Variants in KLC2 observed in about 807,000 individuals in gnomAD.
KLC2 encodes the protein KLC 2.
In KLC2, 35 loss-of-function variants were observed where a neutral mutation model predicts 75.1. That is an observed-to-expected ratio of 0.47 (90% CI 0.36 to 0.62). The LOEUF is 0.62. Ranked by LOEUF, KLC2 falls within the 20% of genes least tolerant of loss-of-function variation. The pLI is 0.00. For synonymous variants in KLC2, 314 were observed against 336.7 expected, an observed-to-expected ratio of 0.93 and a Z score of 0.74; for missense variants, 611 against 833.2, an observed-to-expected ratio of 0.73 and a Z score of 3.28.
chr11:66,263,478 T>C (rs887870684), intron 5 of KLC2, among the ~76,000 whole-genome samples, 182 bp from the exon 6 acceptor site: 1 of 152,164 alleles, frequency 6.6e-6, no homozygotes, highest in African/African-American at 2.4e-5. Context: ...CAGCCAATTG[T>C]GAGAAAACTG....
At chr11:66,260,732 G>A (rs2134805335) in intron 2 of KLC2, among the ~76,000 whole-genome samples, 1 of 152,172 alleles carries the variant, frequency 6.6e-6, no homozygotes, top group South Asian at 2.1e-4. Flanking sequence ...GAGTAGCTGG[G>A]ACTACAGGCA....
the KLC2 span, among the ~76,000 whole-genome samples, chr11:66,245,462 A>T: frequency 6.6e-6 from 1 of 152,194 alleles, no homozygotes; most frequent in African/African-American, 2.4e-5. Flanking sequence ...TCACACCTGT[A>T]ATCCCAGCAC....
At chr11:66,249,823 A>G in the KLC2 span, among the ~76,000 whole-genome samples, 1 of 151,738 alleles carries the variant, frequency 6.6e-6, no homozygotes, top group African/African-American at 2.4e-5. Flanking sequence ...AGAAACCCGG[A>G]CTCATCCTGC....
At chr11:66,259,273 T>C (rs1331670644) in intron 2 of KLC2, among the ~76,000 whole-genome samples, 1 of 152,150 alleles carries the variant, frequency 6.6e-6, no homozygotes, top group Non-Finnish European at 1.5e-5. Context: ...TTGTTACAAA[T>C]TGTGATGAGT....
At chr11:66,257,232 G>A (rs1456040407), upstream of KLC2, 1 of 152,174 alleles carries the variant, frequency 6.6e-6, no homozygotes, top group Non-Finnish European at 1.5e-5. Context: ...AACCACCTCT[G>A]TCAGAGACGG....
At position 66,266,645 on chromosome 11, in the gene KLC2, A is replaced by AC. The variant is rs1316746383; in HGVS notation, c.1785+158dup. ...TGGACAACGGGGAGACACGAGGGGA[A>AC]CCCAGCCTCTCCTGGGGGTGGACGT... On this transcript the variant is annotated intron_variant, in intron 15 of 15. Coordinates refer to ENST00000394067, the MANE Select transcript of KLC2 (RefSeq NM_001318734.2). 5 of 897,696 alleles carry AC rather than the reference A, an allele frequency of 5.6e-6. No homozygotes were observed. The Admixed American group carries it at 7.9e-5, about 14-fold the overall frequency. The allele number at this position is 897,696 out of a possible 1,614,324, so 55.6% of individuals were successfully genotyped here. A position where few individuals can be genotyped will look rare whatever the true frequency, so the allele number is the denominator to read the frequency against.
At chr11:66,262,533 G>A (rs1856506872) in intron 4 of KLC2, 1 of 559,150 alleles carries the variant, frequency 1.8e-6, no homozygotes, top group East Asian at 3.0e-5. Context: ...TTTGCTGATG[G>A]TACTGGTTAT....
rs567583500 is a variant in KLC2, at chr11:66,262,218, G to C, written c.529+26G>C. On this transcript the variant is annotated intron_variant, in intron 4 of 15. Coordinates refer to ENST00000394067, the MANE Select transcript of KLC2 (RefSeq NM_001318734.2). The stretch of plus-strand genomic sequence containing the variant: ...GTGCGGATGGGCAGTTCTGGAGTGG[G>C]GGAAGGAAAGGTTGTGTGAACTCTT... 30 of 1,590,706 alleles carry C rather than the reference G, an allele frequency of 1.9e-5. No individual in the cohort carries two copies. The South Asian group carries it at 2.4e-4, about 13-fold the overall frequency.
At chr11:66,258,407 G>C in intron 1 of KLC2, 177 bp from the exon 2 acceptor site, 1 of 593,786 alleles carries the variant, frequency 1.7e-6, no homozygotes, top group Non-Finnish European at 3.0e-6. Context: ...CCCAGGCCTA[G>C]ACAAGCTAGG....
chr11:66,265,820 C>T lies in KLC2; in HGVS notation c.1444-34C>T, dbSNP rs116583122. On this transcript the variant is annotated intron_variant, in intron 12 of 15. Coordinates refer to ENST00000394067, the MANE Select transcript of KLC2 (RefSeq NM_001318734.2). ...CACCTGTGTGGCCCTGGGTGTGGTC[C>T]ATTCACTGCCTGATGCCCCTGCCCC... is the stretch of plus-strand genomic sequence containing the variant. 5.3e-4 allele frequency: 841 copies of T among 1,594,492 alleles called. 2 individuals carry two copies. The African/African-American group carries it at 8.9e-3, about 17-fold the overall frequency.
At chr11:66,254,664 TAAAAAA>T (rs34541214), upstream of KLC2, among the ~76,000 whole-genome samples, 2 of 107,886 alleles carry the variant, frequency 1.9e-5, no homozygotes, top group East Asian at 5.4e-4. Flanking sequence ...CCTCGGCTCT[TAAAAAA>T]AAAAAAAAAA....
upstream of KLC2, among the ~76,000 whole-genome samples, chr11:66,256,927 A>T (rs1856062110): frequency 6.6e-6 from 1 of 152,162 alleles, no homozygotes; most frequent in African/African-American, 2.4e-5. Context: ...CTACACCCAG[A>T]AAGGAGAAAT....
intron 9 of KLC2, 81 bp downstream of exon 9, chr11:66,264,525 G>C: frequency 9.7e-7 from 1 of 1,035,410 alleles, no homozygotes; most frequent in South Asian, 1.3e-5. Flanking sequence ...AAATCCCTCA[G>C]CAGGGCAGGC....
upstream of KLC2, among the ~76,000 whole-genome samples, chr11:66,252,698 G>T (rs1008447752): frequency 1.3e-5 from 2 of 152,144 alleles, no homozygotes; most frequent in East Asian, 3.8e-4. Flanking sequence ...GGAGAAACGC[G>T]GCTTTGAACT....
chr11:66,252,503 TC>T (rs1232074043), upstream of KLC2, among the ~76,000 whole-genome samples: 1 of 152,014 alleles, frequency 6.6e-6, no homozygotes, highest in African/African-American at 2.4e-5. Flanking sequence ...GACCTCGTGA[TC>T]CCCCCGCCTC....
chr11:66,261,587 A>C, intron 2 of KLC2, 155 bp from the exon 3 acceptor site: 1 of 596,610 alleles, frequency 1.7e-6, no homozygotes, highest in Non-Finnish European at 3.0e-6. Flanking sequence ...CCTTGAGGAG[A>C]TTCTCCCTTG....
In KLC2 at chr11:66,258,605, T is replaced by C. The variant is rs1856174965; in HGVS notation, c.11T>C (p.Met4Thr). 1 of 1,611,830 alleles carries C rather than the reference T, an allele frequency of 6.2e-7. No individual in the cohort carries two copies. Among genetic ancestry groups the C allele is most frequent in the African/African-American group, 1.3e-5 (1 of 74,878 alleles). ...ACAGACGCCACAGCCATGGCCATGA[T>C]GGTGTTTCCGCGGGAGGAGAAGCTG... MAM[M>T]VFPREEKLSQ... The change falls in exon 2 of 16, where the codon ATG becomes ACG. Residue 4 changes from methionine to threonine, a missense_variant. Physicochemically the swap from Met to Thr is moderately conservative, Grantham distance 81. Coordinates refer to ENST00000394067, the MANE Select transcript of KLC2 (RefSeq NM_001318734.2).
chr11:66,252,121 A>G, the KLC2 span, among the ~76,000 whole-genome samples: 2 of 152,242 alleles, frequency 1.3e-5, no homozygotes, highest in Admixed American at 6.5e-5. Flanking sequence ...TCTCTGTCCA[A>G]CAACACTGCA....
At chr11:66,255,152 G>C (rs1855993636), upstream of KLC2, among the ~76,000 whole-genome samples, 1 of 152,206 alleles carries the variant, frequency 6.6e-6, no homozygotes, top group African/African-American at 2.4e-5. Context: ...TATGCACAGA[G>C]GCAGACTTAC....
Sources: allele counts gnomAD v4.1 joint callset (sites outside exome capture counted in the v4.1 genomes callset), GRCh38; gene constraint gnomAD v4.1.1; transcripts MANE v1.5; gene names NCBI Gene and HGNC (gene_info 2026-07-23, HGNC 2026-07-21).